The following IQCJ variants were observed in gnomAD, a reference collection of about 807,000 sequenced individuals.
IQCJ encodes the protein IQ domain-containing protein J.
IQCJ carries 9 observed loss-of-function variants against 11.0 expected under a neutral mutation model. The observed-to-expected ratio is 0.82, with a 90% CI of 0.49 to 1.43. The LOEUF (loss-of-function observed/expected upper bound fraction) is 1.43. IQCJ is among the 40% of genes most tolerant of loss of function. The pLI, the probability that IQCJ is intolerant of heterozygous loss-of-function variation, is 0.00. For synonymous variants in IQCJ, 55 were observed against 51.3 expected, an observed-to-expected ratio of 1.07 and a Z score of -0.31; for missense variants, 146 against 133.2, an observed-to-expected ratio of 1.10 and a Z score of -0.47.
At chr3:159,216,822 A>T (rs540915297) in intron 1 of IQCJ, among the ~76,000 whole-genome samples, 1 of 152,306 alleles carries the variant, frequency 6.6e-6, no homozygotes, top group East Asian at 1.9e-4. Flanking sequence ...CTTTAAAAAC[A>T]AATAAAGTGA....
chr3:159,179,678 A>T (rs1722981683), intron 1 of IQCJ, among the ~76,000 whole-genome samples: 1 of 152,208 alleles, frequency 6.6e-6, no homozygotes, highest in Admixed American at 6.6e-5. Context: ...CTATGAAAAG[A>T]GACTGACAAT....
intron 1 of IQCJ, among the ~76,000 whole-genome samples, chr3:159,109,653 G>C (rs1169775043): frequency 6.6e-6 from 1 of 151,672 alleles, no homozygotes; most frequent in African/African-American, 2.4e-5. Flanking sequence ...ATTTTCTTTG[G>C]TGTGGGTGTG....
chr3:159,140,016 T>C (rs189916698), intron 1 of IQCJ, among the ~76,000 whole-genome samples: 5 of 152,246 alleles, frequency 3.3e-5, no homozygotes, highest in Admixed American at 3.3e-4. Flanking sequence ...TTTATAGAAG[T>C]TTTAGGCTCA....
At chr3:159,262,066 C>T (rs1728241687) in intron 3 of IQCJ, among the ~76,000 whole-genome samples, 1 of 152,256 alleles carries the variant, frequency 6.6e-6, no homozygotes, top group Non-Finnish European at 1.5e-5. Flanking sequence ...ATGCAAAGGA[C>T]TGCTCTGGAG....
chr3:159,223,672 T>C (rs1243221500), intron 1 of IQCJ, among the ~76,000 whole-genome samples: 1 of 152,172 alleles, frequency 6.6e-6, no homozygotes, highest in Non-Finnish European at 1.5e-5. Flanking sequence ...CCAAAAAGTC[T>C]TAGAAATAAT....
At chr3:159,258,193 C>A (rs907859498) in intron 3 of IQCJ, among the ~76,000 whole-genome samples, 2 of 152,152 alleles carry the variant, frequency 1.3e-5, no homozygotes, top group Non-Finnish European at 2.9e-5. Flanking sequence ...GTGGCCACTG[C>A]CAGCTCTAGG....
chr3:159,168,796 T>G (rs1208313431), intron 1 of IQCJ, among the ~76,000 whole-genome samples: 1 of 151,608 alleles, frequency 6.6e-6, no homozygotes, highest in Non-Finnish European at 1.5e-5. Flanking sequence ...AAAACACTTT[T>G]AAGCCATATG....
chr3:159,223,380 T>A (rs1017084947), intron 1 of IQCJ, among the ~76,000 whole-genome samples: 1 of 152,176 alleles, frequency 6.6e-6, no homozygotes, highest in Non-Finnish European at 1.5e-5. Flanking sequence ...GTATAATATA[T>A]GTAAAAATGT....
chr3:159,244,720 A>G (rs1003730334), intron 1 of IQCJ, among the ~76,000 whole-genome samples: 2 of 152,204 alleles, frequency 1.3e-5, no homozygotes, highest in African/African-American at 2.4e-5. Context: ...ACATTCTGGA[A>G]TGCAGTATGG....
chr3:159,148,722 A>G (rs1257071616), intron 1 of IQCJ, among the ~76,000 whole-genome samples: 3 of 152,168 alleles, frequency 2.0e-5, no homozygotes, highest in Non-Finnish European at 1.5e-5. Context: ...TTGCAAAATC[A>G]CCTCTGCCTA....
intron 1 of IQCJ, among the ~76,000 whole-genome samples, chr3:159,231,111 G>T (rs2108151921): frequency 6.6e-6 from 1 of 152,288 alleles, no homozygotes; most frequent in South Asian, 2.1e-4. Context: ...TTGTAAGTTA[G>T]AAAGATATTT....
intron 1 of IQCJ, among the ~76,000 whole-genome samples, chr3:159,091,823 G>C (rs1000744636): frequency 6.6e-6 from 1 of 151,630 alleles, no homozygotes; most frequent in Non-Finnish European, 1.5e-5. Context: ...AAAAGCCCAT[G>C]GGTTCATAGT....
intron 1 of IQCJ, among the ~76,000 whole-genome samples, chr3:159,157,353 C>T (rs1360355475): frequency 1.3e-5 from 2 of 152,156 alleles, no homozygotes; most frequent in Admixed American, 1.3e-4. Context: ...TTATAAGTGG[C>T]TCCCTTTTCT....
intron 1 of IQCJ, among the ~76,000 whole-genome samples, chr3:159,218,425 A>G (rs2108111228): frequency 6.6e-6 from 1 of 152,198 alleles, no homozygotes; most frequent in South Asian, 2.1e-4. Flanking sequence ...ATGCAAGATC[A>G]TAAGTCAGTC....
At chr3:159,258,761 A>T (rs969796322) in intron 3 of IQCJ, among the ~76,000 whole-genome samples, 3 of 152,176 alleles carry the variant, frequency 2.0e-5, no homozygotes, top group South Asian at 2.1e-4. Context: ...GCTGTTCTTG[A>T]AAAGTTGAAA....
rs77914495 is a variant in IQCJ at position 159,144,967 on chromosome 3, C to T, written c.9+75526C>T. On this transcript the variant is annotated intron_variant, in intron 1 of 3. Coordinates refer to ENST00000397832, the MANE Select transcript of IQCJ (RefSeq NM_001042706.3). ...GTTAAAAGTCTCCTCAGAAGGAAAG[C>T]AAGCATCTGAGTGATCATATTCTTC... is the stretch of plus-strand genomic sequence containing the variant. 8.3e-3 allele frequency among the ~76,000 whole-genome samples: 1,263 copies of T among 152,284 alleles called. 42 individuals carry two copies. Among genetic ancestry groups the T allele is most frequent in the Admixed American group, 0.056 (856 of 15,288 alleles).
At chr3:159,200,605 G>A (rs1014733012) in intron 1 of IQCJ, among the ~76,000 whole-genome samples, 1 of 152,198 alleles carries the variant, frequency 6.6e-6, no homozygotes, top group Non-Finnish European at 1.5e-5. Context: ...GGACAGGTTA[G>A]GGTGTGAGCA....
rs148165257 is a variant in IQCJ, at chr3:159,083,661, T to G, written c.9+14220T>G. On this transcript the variant is annotated intron_variant, in intron 1 of 3. Coordinates refer to ENST00000397832, the MANE Select transcript of IQCJ (RefSeq NM_001042706.3). ...ATTCACATAAACAACTGTACACAAA[T>G]GTACATAGCAGCTTTAGTCTTAATA... Among the ~76,000 whole-genome samples, 866 of 152,242 alleles carry G rather than the reference T, an allele frequency of 5.7e-3. 6 individuals carry two copies. Among genetic ancestry groups the G allele is most frequent in the African/African-American group, 0.019 (785 of 41,558 alleles).
At chr3:159,253,895 C>A (rs140230668) in intron 3 of IQCJ, among the ~76,000 whole-genome samples, 4 of 152,136 alleles carry the variant, frequency 2.6e-5, no homozygotes, top group Non-Finnish European at 5.9e-5. Context: ...CCAATACATA[C>A]CCCTGTAAAT....
Sources: gnomAD v4.1 joint callset for allele counts (sites outside exome capture counted in the v4.1 genomes callset) on GRCh38, gnomAD v4.1.1 for gene constraint, MANE v1.5 for transcripts, NCBI Gene and HGNC (gene_info 2026-07-23, HGNC 2026-07-21) for gene names.